The following CDH18 variants were observed in gnomAD, a reference collection of about 807,000 sequenced individuals.
The protein encoded by CDH18 is cadherin-18.
In CDH18, 31 loss-of-function variants were observed where a neutral mutation model predicts 67.9. The observed-to-expected ratio is 0.46, with a 90% CI of 0.34 to 0.62. CDH18 has a LOEUF of 0.62. Among genes scored for constraint, CDH18 ranks in the 20% least tolerant of loss-of-function variants. The pLI, the probability that CDH18 is intolerant of heterozygous loss-of-function variation, is 0.01. For synonymous variants in CDH18, 362 were observed against 347.2 expected, an observed-to-expected ratio of 1.04 and a Z score of -0.48; for missense variants, 890 against 975.5, an observed-to-expected ratio of 0.91 and a Z score of 1.17.
intron 1 of CDH18, among the ~76,000 whole-genome samples, chr5:20,530,378 A>C (rs933189211): frequency 6.6e-6 from 1 of 152,120 alleles, no homozygotes; most frequent in Non-Finnish European, 1.5e-5. Flanking sequence ...ATTAGAAAAA[A>C]AAACCTATTT....
intron 8 of CDH18, among the ~76,000 whole-genome samples, chr5:19,556,601 C>T (rs1184219495): frequency 6.6e-6 from 1 of 151,896 alleles, no homozygotes; most frequent in Non-Finnish European, 1.5e-5. Flanking sequence ...AAAAAACGAG[C>T]AAAGCCTCCA....
intron 3 of CDH18, among the ~76,000 whole-genome samples, chr5:19,756,630 C>G (rs938885265): frequency 6.6e-6 from 1 of 152,124 alleles, no homozygotes; most frequent in Non-Finnish European, 1.5e-5. Context: ...GGTCAATCAC[C>G]CCAGCCAACA....
rs117043527 is a variant in CDH18 at position 19,760,671 on chromosome 5, G to C, written c.229-13435C>G. ...TCCAGATTTCTGTTTACATAAATTA[G>C]AGAACTCAAACAGTTCTTTTCAAGT... On this transcript the variant is annotated intron_variant, in intron 3 of 12. Transcript: ENST00000382275. Among the ~76,000 whole-genome samples the C allele has an allele frequency of 1.3e-4, 20 of 152,208 alleles. No individual in the cohort carries two copies. In the East Asian group the frequency reaches 3.9e-3, roughly 29 times the overall value.
chr5:20,317,699 G>T (rs978670829), intron 1 of CDH18, among the ~76,000 whole-genome samples: 1 of 151,964 alleles, frequency 6.6e-6, no homozygotes, highest in Non-Finnish European at 1.5e-5. Context: ...TTATAATCTT[G>T]GATGACATAA....
intron 2 of CDH18, among the ~76,000 whole-genome samples, chr5:19,999,169 A>C (rs1026500467): frequency 2.0e-5 from 3 of 152,052 alleles, no homozygotes; most frequent in Non-Finnish European, 4.4e-5. Context: ...AAGATGCCAG[A>C]CCTGTTTCTC....
At chr5:20,508,453 A>T (rs1009233415) in intron 1 of CDH18, among the ~76,000 whole-genome samples, 5 of 149,656 alleles carry the variant, frequency 3.3e-5, no homozygotes, top group African/African-American at 1.2e-4. Flanking sequence ...AATTTATCTA[A>T]AGTAGCATGA....
intron 2 of CDH18, among the ~76,000 whole-genome samples, chr5:20,121,694 TA>T (rs1315848604): frequency 6.6e-6 from 1 of 152,186 alleles, no homozygotes; most frequent in African/African-American, 2.4e-5. Context: ...CTCCTGCACT[TA>T]AATACACATG....
intron 2 of CDH18, among the ~76,000 whole-genome samples, chr5:20,147,527 C>T (rs1213598154): frequency 6.6e-6 from 1 of 151,974 alleles, no homozygotes; most frequent in Non-Finnish European, 1.5e-5. Context: ...CCAATGTGTA[C>T]CACCATACCC....
chr5:20,013,031 A>C (rs1340881853), intron 2 of CDH18, among the ~76,000 whole-genome samples: 1 of 152,086 alleles, frequency 6.6e-6, no homozygotes, highest in Non-Finnish European at 1.5e-5. Flanking sequence ...CATGTAAAAA[A>C]CCTGCACATC....
At chr5:19,674,220 T>C (rs1759152249) in intron 5 of CDH18, among the ~76,000 whole-genome samples, 1 of 152,064 alleles carries the variant, frequency 6.6e-6, no homozygotes, top group Non-Finnish European at 1.5e-5. Context: ...GTTCAGTAAA[T>C]TAGAAGTTGA....
intron 5 of CDH18, among the ~76,000 whole-genome samples, chr5:19,632,370 C>CT (rs1561507842): frequency 6.6e-6 from 1 of 152,106 alleles, no homozygotes; most frequent in South Asian, 2.1e-4. Context: ...AGAAATGTGT[C>CT]TTTTTTGTTT....
intron 5 of CDH18, among the ~76,000 whole-genome samples, chr5:19,719,358 T>A (rs1441397370): frequency 6.6e-6 from 1 of 152,034 alleles, no homozygotes; most frequent in Non-Finnish European, 1.5e-5. Flanking sequence ...AGTATATTTC[T>A]AAAAAAGGCA....
chr5:19,989,935 C>G (rs1799886992), upstream of CDH18, among the ~76,000 whole-genome samples: 1 of 152,102 alleles, frequency 6.6e-6, no homozygotes, highest in African/African-American at 2.4e-5. Flanking sequence ...AAAATTTAAA[C>G]TTTTAGAAAA....
chr5:20,289,256 T>A (rs1409467998), intron 1 of CDH18, among the ~76,000 whole-genome samples: 2 of 152,016 alleles, frequency 1.3e-5, no homozygotes, highest in Non-Finnish European at 2.9e-5. Flanking sequence ...TTATTTCTGC[T>A]TTACAAATGA....
intron 2 of CDH18, among the ~76,000 whole-genome samples, chr5:20,091,899 C>T (rs1745471381): frequency 6.6e-6 from 1 of 152,048 alleles, no homozygotes; most frequent in South Asian, 2.1e-4. Context: ...GGTGAAGTTA[C>T]ATTAATTGAG....
At chr5:20,563,400 C>A (rs1360973806) in intron 1 of CDH18, among the ~76,000 whole-genome samples, 1 of 152,082 alleles carries the variant, frequency 6.6e-6, no homozygotes. Flanking sequence ...TAGGAATATA[C>A]TTTTATACTT....
In CDH18 at chr5:20,486,232, G is replaced by A. The variant is rs114855763; in HGVS notation, c.-580+89230C>T. On this transcript the variant is annotated intron_variant, in intron 1 of 14. Transcript: ENST00000507958. ...AAGTTTTGAGTCATTTCATTAAGTC[G>A]AAAATATTGAAAAGAGTAAGCGATA... 5.1e-3 allele frequency among the ~76,000 whole-genome samples: 783 copies of A among 152,120 alleles called. 5 individuals are homozygous for A. The highest frequency in any genetic ancestry group is 0.018 in the African/African-American group (739 of 41,506).
chr5:19,559,235 G>C (rs1461080888), intron 8 of CDH18, among the ~76,000 whole-genome samples: 1 of 151,476 alleles, frequency 6.6e-6, no homozygotes, highest in Non-Finnish European at 1.5e-5. Context: ...TTCTTCAGCT[G>C]TGTTACAGAC....
rs1165431964 is a variant in CDH18, at chr5:20,399,840, TC to T, written c.-579-144336del. ...CTTCTTTGAGACATGGAAATCTGCC[TC>T]CAGAAATATCAAGTAACAAGCAAAA... On this transcript the variant is annotated intron_variant, in intron 1 of 14. Transcript: ENST00000507958. Among the ~76,000 whole-genome samples, 4 of 152,246 alleles carry T rather than the reference TC, an allele frequency of 2.6e-5. No individual in the cohort carries two copies. The South Asian group carries it at 8.3e-4, about 32-fold the overall frequency.
Sources: allele counts gnomAD v4.1 joint callset (sites outside exome capture counted in the v4.1 genomes callset), GRCh38; gene constraint gnomAD v4.1.1; transcripts MANE v1.5; gene names NCBI Gene and HGNC (gene_info 2026-07-23, HGNC 2026-07-21).